RFX4: variants seen among roughly 807,000 people sequenced by gnomAD.
The protein encoded by RFX4 is transcription factor RFX4.
A neutral mutation model predicts 95.0 loss-of-function variants in RFX4; 10 were observed. The observed-to-expected ratio is 0.11, with a 90% confidence interval of 0.06 to 0.18. The LOEUF (loss-of-function observed/expected upper bound fraction) is 0.18, where lower values mean the gene tolerates loss of function less well. Among genes scored for constraint, RFX4 ranks in the 10% least tolerant of loss-of-function variants. RFX4 has a pLI of 1.00. For missense variants in RFX4, 640 were observed against 922.0 expected, an observed-to-expected ratio of 0.69 and a Z score of 3.96; for synonymous variants, 321 against 340.7, an observed-to-expected ratio of 0.94 and a Z score of 0.64.
Position 106,696,276 on chromosome 12 carries a change from A to G in RFX4, c.670-7A>G. 1 of 1,614,150 alleles carries G rather than the reference A, an allele frequency of 6.2e-7. No homozygotes were observed. On this transcript the variant is annotated splice_region_variant and splice_polypyrimidine_tract_variant and intron_variant, in intron 7 of 17. Transcript: ENST00000392842. ...CTCATGATTCTTCTCTCTGTGGGTC[A>G]ATACAGGTTCAAAGTTTCCTTCTGC...
chr12:106,720,089 C>T lies in RFX4; in HGVS notation c.1233+35C>T, dbSNP rs149595358. On this transcript the variant is annotated intron_variant, in intron 12 of 17. Transcript: ENST00000392842. This position sits in a 1 kb window ranked among gnomAD's most constrained non-coding sequence, Gnocchi z 4.2. ...CCGGCACCTAGCGGGCAGCCTTGGG[C>T]CCTGCAGCCCACCACTGCCCTCTGT... is the stretch of plus-strand genomic sequence containing the variant. The T allele has an allele frequency of 1.6e-5, 25 of 1,549,568 alleles. No individual in the cohort carries two copies. In the African/African-American group the frequency reaches 2.4e-4, roughly 15 times the overall value.
At chr12:106,594,292 GAGA>G (rs917221413) in intron 1 of RFX4, among the ~76,000 whole-genome samples, 5 of 152,200 alleles carry the variant, frequency 3.3e-5, no homozygotes, top group Admixed American at 2.0e-4. Flanking sequence ...AAGCTTTGGA[GAGA>G]AGATTTCTAA....
At chr12:106,756,188 A>C (rs2043105000) in intron 17 of RFX4, among the ~76,000 whole-genome samples, 1 of 152,222 alleles carries the variant, frequency 6.6e-6, no homozygotes, top group African/African-American at 2.4e-5. Context: ...ACTGTGCTGC[A>C]CTTGTTCACA....
At chr12:106,737,162 G>GTTTTTTTTT (rs556116618) in intron 15 of RFX4, among the ~76,000 whole-genome samples, 4 of 54,926 alleles carry the variant, frequency 7.3e-5, no homozygotes, top group Non-Finnish European at 1.0e-4. Context: ...CGGAACTAAA[G>GTTTTTTTTT]TTTTTTTTTT....
chr12:106,605,741 C>T (rs143127482), intron 1 of RFX4, among the ~76,000 whole-genome samples: 1 of 152,326 alleles, frequency 6.6e-6, no homozygotes, highest in African/African-American at 2.4e-5. Flanking sequence ...GGGGGTACTT[C>T]AACCAGAAAT....
rs2042918050 is a variant in RFX4, at chr12:106,747,544, C to G, written c.1741C>G (p.Pro581Ala). Residue 581 changes from proline to alanine, a missense_variant, in exon 16 of 18, where the codon CCT (proline) becomes GCT (alanine). Physicochemically the swap from Pro to Ala is conservative, Grantham distance 27 (BLOSUM62 -1). This residue lies in a region of RFX4 where 300 missense variants were observed against 346.8 expected (regional missense o/e 0.87). Coordinates refer to ENST00000392842, the MANE Select transcript of RFX4 (RefSeq NM_213594.3). ...QLPCMRNTHV[P>A]SSSVTHRIPV... Reference sequence around the variant, plus strand: ...GCCCTGTATGAGGAACACTCATGTGCCTTCTTCCTCCGTCACACACAGGAT... The same window carrying G: ...GCCCTGTATGAGGAACACTCATGTGGCTTCTTCCTCCGTCACACACAGGAT... 1 of 1,613,980 alleles carries G rather than the reference C, an allele frequency of 6.2e-7. No individual in the cohort carries two copies. The highest frequency in any genetic ancestry group is 8.5e-7 in the Non-Finnish European group (1 of 1,180,012).
chr12:106,597,445 T>C (rs145610193), intron 1 of RFX4, among the ~76,000 whole-genome samples: 2 of 152,346 alleles, frequency 1.3e-5, no homozygotes, highest in African/African-American at 4.8e-5. Context: ...TAAGGTGGGA[T>C]GCCTTAGAGG....
intron 3 of RFX4, among the ~76,000 whole-genome samples, chr12:106,645,220 A>G (rs1466307401): frequency 6.6e-6 from 1 of 152,024 alleles, no homozygotes; most frequent in Non-Finnish European, 1.5e-5. Flanking sequence ...GTAAATCCCA[A>G]CTCACTGGGG....
intron 1 of RFX4, among the ~76,000 whole-genome samples, chr12:106,592,195 A>G (rs2039557344): frequency 9.2e-6 from 1 of 108,508 alleles, no homozygotes; most frequent in African/African-American, 3.1e-5. Flanking sequence ...GGGAAAGGGG[A>G]TAAGAATACT....
At chr12:106,600,447 A>G (rs1424633164) in intron 1 of RFX4, among the ~76,000 whole-genome samples, 1 of 151,694 alleles carries the variant, frequency 6.6e-6, no homozygotes. Flanking sequence ...GATTATTTAT[A>G]GTTGACCACA....
Position 106,665,866 on chromosome 12 carries a change from A to C in RFX4, c.315+11515A>C, listed in dbSNP as rs1271867149. Among the ~76,000 whole-genome samples, 4 of 152,138 alleles carry C rather than the reference A, an allele frequency of 2.6e-5. No homozygotes were observed. In the East Asian group the frequency reaches 7.7e-4, roughly 29 times the overall value. On this transcript the variant is annotated intron_variant, in intron 4 of 17. Coordinates refer to ENST00000392842, the MANE Select transcript of RFX4 (RefSeq NM_213594.3). Reference sequence around the variant, plus strand: ...TTTTAATTGATATACACATATAATCAAGTACTTTGTTGCCATTATTATTTT... The same window carrying C: ...TTTTAATTGATATACACATATAATCCAGTACTTTGTTGCCATTATTATTTT...
At chr12:106,700,597 G>A (rs1380008857) in intron 8 of RFX4, among the ~76,000 whole-genome samples, 1 of 150,914 alleles carries the variant, frequency 6.6e-6, no homozygotes, top group Non-Finnish European at 1.5e-5. Flanking sequence ...TAGTAGAGAC[G>A]GGGTTTCACC....
Position 106,697,396 on chromosome 12 carries a change from A to T in RFX4, c.833+950A>T, listed in dbSNP as rs551402267. ...TTTAGTCAATTCTCTTGATATGTCC[A>T]GTTTTGTCCTACTCCAAACAACACT... On this transcript the variant is annotated intron_variant, in intron 8 of 17. Transcript: ENST00000392842. Among the ~76,000 whole-genome samples, 13 of 150,508 alleles carry T rather than the reference A, an allele frequency of 8.6e-5. No homozygotes were observed. In the South Asian group the frequency reaches 2.7e-3, roughly 32 times the overall value.
intron 3 of RFX4, chr12:106,645,956 C>A (rs2040735477): frequency 1.6e-6 from 2 of 1,288,792 alleles, no homozygotes; most frequent in Non-Finnish European, 2.0e-6. Flanking sequence ...GCTGGACAAC[C>A]CAATGCCAAG....
chr12:106,694,507 T>C (rs1314634966), intron 7 of RFX4, among the ~76,000 whole-genome samples: 1 of 152,086 alleles, frequency 6.6e-6, no homozygotes, highest in Non-Finnish European at 1.5e-5. Context: ...GGGAGAGACA[T>C]GGGCCTCAGC....
intron 15 of RFX4, among the ~76,000 whole-genome samples, chr12:106,733,976 G>T (rs947727210): frequency 2.0e-4 from 31 of 152,178 alleles, no homozygotes; most frequent in Admixed American, 1.9e-3. Flanking sequence ...TACATAAATG[G>T]AATACTATTG....
At position 106,620,964 on chromosome 12, in the gene RFX4, C is replaced by G. The variant is rs571416248; in HGVS notation, c.130+12081C>G. Among the ~76,000 whole-genome samples the G allele has an allele frequency of 1.1e-4, 17 of 152,252 alleles. No homozygotes were observed. In the East Asian group the frequency reaches 3.3e-3, roughly 29 times the overall value. ...TCTCTGCAAGAAGAAAAATATGGCT[C>G]TTTTTGTCTGACCCCACAGGCAGTC... On this transcript the variant is annotated intron_variant, in intron 2 of 17. Coordinates refer to ENST00000392842, the MANE Select transcript of RFX4 (RefSeq NM_213594.3).
chr12:106,623,917 T>A (rs940687389), intron 2 of RFX4, among the ~76,000 whole-genome samples: 2 of 152,242 alleles, frequency 1.3e-5, no homozygotes, highest in Admixed American at 6.5e-5. Flanking sequence ...ATTCAACAAC[T>A]CAGCATCCTC....
At chr12:106,702,805 A>G (rs996810342) in intron 8 of RFX4, among the ~76,000 whole-genome samples, 2 of 151,650 alleles carry the variant, frequency 1.3e-5, no homozygotes, top group African/African-American at 4.8e-5. Context: ...CCCCTAGTCA[A>G]CTGAGGCTTT....
Sources: gnomAD v4.1 joint callset for allele counts (sites outside exome capture counted in the v4.1 genomes callset) on GRCh38, gnomAD v4.1.1 for gene constraint, gnomAD v4.1.1 regional missense constraint, Gnocchi (gnomAD v3.1) non-coding constraint, MANE v1.5 for transcripts, NCBI Gene and HGNC (gene_info 2026-07-23, HGNC 2026-07-21) for gene names.